Variants in KLHDC2 observed in about 807,000 individuals in gnomAD.
The protein encoded by KLHDC2 is kelch domain-containing protein 2.
In KLHDC2, 38 loss-of-function variants were observed where a neutral mutation model predicts 62.3. That is an observed-to-expected ratio of 0.61 (90% confidence interval 0.47 to 0.80). The LOEUF (loss-of-function observed/expected upper bound fraction) is 0.80, where lower values mean the gene tolerates loss of function less well. KLHDC2 is among the 30% of genes least tolerant of loss of function. KLHDC2 has a pLI of 0.00. For synonymous variants in KLHDC2, 159 were observed against 161.0 expected (o/e 0.99, Z 0.09); for missense variants, 430 against 495.3 (o/e 0.87, Z 1.25).
At chr14:49,773,914 T>G (rs959175424) in intron 2 of KLHDC2, among the ~76,000 whole-genome samples, 1 of 152,146 alleles carries the variant, frequency 6.6e-6, no homozygotes, top group Admixed American at 6.5e-5. Context: ...CTTCTAAAAC[T>G]TTTAAGTTTA....
intron 2 of KLHDC2, among the ~76,000 whole-genome samples, chr14:49,774,187 G>A (rs1305722501): frequency 1.3e-5 from 2 of 152,218 alleles, no homozygotes; most frequent in Admixed American, 1.3e-4. Context: ...CACTGGGAAT[G>A]TTGAGGTTTT....
intron 9 of KLHDC2, 125 bp from the exon 10 acceptor site, chr14:49,780,578 A>C: frequency 1.3e-6 from 1 of 743,216 alleles, no homozygotes; most frequent in Non-Finnish European, 2.3e-6. Context: ...CAGGGGGGGG[A>C]AAAAAAAGAA....
chr14:49,775,321 A>T (rs575094478), intron 3 of KLHDC2, among the ~76,000 whole-genome samples: 2 of 152,336 alleles, frequency 1.3e-5, no homozygotes, highest in South Asian at 4.1e-4. Flanking sequence ...TGTGCTGAGC[A>T]CTTGGCTGGA....
Position 49,784,824 on chromosome 14 carries a change from C to T in KLHDC2, c.*1871C>T. 1 of 1,400,496 alleles carries T rather than the reference C, an allele frequency of 7.1e-7. No homozygotes were observed. The highest frequency in any genetic ancestry group is 1.0e-6 in the Non-Finnish European group (1 of 997,264). 86.8% of individuals were successfully genotyped at this position (1,400,496 alleles called of 1,614,324 possible). On this transcript the variant is annotated 3_prime_UTR_variant, in exon 13 of 13. Coordinates refer to ENST00000298307, the MANE Select transcript of KLHDC2 (RefSeq NM_014315.3). The stretch of plus-strand genomic sequence containing the variant: ...ACTTTTAGCTGAGATGGTTTTACTG[C>T]TTCTAATAAGACAGCATTTTCTACT...
In KLHDC2 at chr14:49,785,029, A is replaced by G. The variant is rs751431337; in HGVS notation, c.*2076A>G. On this transcript the variant is annotated 3_prime_UTR_variant, in exon 13 of 13. Coordinates refer to ENST00000298307, the MANE Select transcript of KLHDC2 (RefSeq NM_014315.3). ...GCTGTAAATACAAAAAAGAGTAAGA[A>G]TAATCTACTGTTAAGTCACTGAACT... The G allele has an allele frequency of 1.1e-5, 17 of 1,608,684 alleles. No homozygotes were observed. The highest frequency in any genetic ancestry group is 3.3e-4 in the Middle Eastern group (2 of 6,048).
chr14:49,783,988 G>GACTT lies in KLHDC2; in HGVS notation c.*1038_*1041dup, dbSNP rs1890039363. ...TATATATTAGATGTTATATACAGTA[G>GACTT]ACTTACCAAGTCAATAGTTTAAGCA... On this transcript the variant is annotated 3_prime_UTR_variant, in exon 13 of 13. Coordinates refer to ENST00000298307, the MANE Select transcript of KLHDC2 (RefSeq NM_014315.3). 6.6e-6 allele frequency: 1 copy of GACTT among 151,950 alleles called. No individual in the cohort carries two copies. The highest frequency in any genetic ancestry group is 2.4e-5 in the African/African-American group (1 of 41,374). The allele number at this position is 151,950 out of a possible 1,614,324, so 9.4% of individuals were successfully genotyped here. A position where few individuals can be genotyped will look rare whatever the true frequency, so the allele number is the denominator to read the frequency against.
intron 12 of KLHDC2, 22 bp from the exon 13 acceptor site, chr14:49,782,808 C>A: frequency 6.2e-7 from 1 of 1,605,230 alleles, no homozygotes; most frequent in Non-Finnish European, 8.5e-7. Context: ...AATTACTTTT[C>A]TCTTTCCTTG....
At chr14:49,770,220 T>C (rs527369302) in intron 1 of KLHDC2, among the ~76,000 whole-genome samples, 1 of 152,188 alleles carries the variant, frequency 6.6e-6, no homozygotes, top group African/African-American at 2.4e-5. Context: ...AATCACTGAA[T>C]TGGATGGTTC....
Position 49,771,620 on chromosome 14 carries a change from CTT to C in KLHDC2, c.183_184del (p.Phe61LeufsTer4), listed in dbSNP as rs758201613. ...KSNQVRGLYD[F>X]YLPREELWIY... ...GTAATCAAGTCAGAGGATTATATGA[CTT>C]TTATCTGCCTAGAGAAGAACTATGG... On this transcript the variant is annotated frameshift_variant, in exon 2 of 13. Transcript: ENST00000298307. LOFTEE classifies it high-confidence loss of function. 4 of 1,515,392 alleles carry C rather than the reference CTT, an allele frequency of 2.6e-6. No homozygotes were observed. The highest frequency in any genetic ancestry group is 3.7e-6 in the Non-Finnish European group (4 of 1,090,448). 93.9% of individuals were successfully genotyped at this position (1,515,392 alleles called of 1,614,324 possible). A position where few individuals can be genotyped will look rare whatever the true frequency, so the allele number is the denominator to read the frequency against.
chr14:49,776,168 TGAAA>T (rs924356299), intron 3 of KLHDC2, among the ~76,000 whole-genome samples: 4 of 152,318 alleles, frequency 2.6e-5, no homozygotes, highest in African/African-American at 9.6e-5. Context: ...GTTCTATGCC[TGAAA>T]GATTCTGTGA....
chr14:49,782,576 A>T lies in KLHDC2; in HGVS notation c.1079A>T (p.Gln360Leu). Residue 360 changes from glutamine (Q) to leucine (L), a missense_variant, in exon 12 of 13, where the codon CAA becomes CTA. By Grantham distance (113) the Gln-to-Leu change is moderately radical. Transcript: ENST00000298307. ...AATGAAATACTAATATTTTCAGTTC[A>T]ACCAAAATCTCTTGTACGGTAAGTA... The part of the protein sequence containing the change: ...HSNEILIFSV[Q>L]PKSLVRLSLE... 1 of 1,606,636 alleles carries T rather than the reference A, an allele frequency of 6.2e-7. No homozygotes were observed. The highest frequency in any genetic ancestry group is 1.1e-5 in the South Asian group (1 of 90,310).
At chr14:49,779,303 T>C (rs1889838414) in intron 6 of KLHDC2, among the ~76,000 whole-genome samples, 1 of 152,248 alleles carries the variant, frequency 6.6e-6, no homozygotes. Flanking sequence ...TAATTATATT[T>C]CTTTTCCCTT....
chr14:49,780,351 A>G, intron 9 of KLHDC2, 29 bp downstream of exon 9: 1 of 1,277,742 alleles, frequency 7.8e-7, no homozygotes, highest in Non-Finnish European at 1.1e-6. Flanking sequence ...TGATAATGAA[A>G]TCATCATATA....
At position 49,785,322 on chromosome 14, in the gene KLHDC2, T is replaced by C. The variant is rs763047885; in HGVS notation, c.*2369T>C. ...TGTCAAAGAATCAAATAGGTTTTCC[T>C]AAAAAGGGAAAATAACAGTTACAAA... On this transcript the variant is annotated 3_prime_UTR_variant, in exon 13 of 13. Coordinates refer to ENST00000298307, the MANE Select transcript of KLHDC2 (RefSeq NM_014315.3). 10 of 1,610,058 alleles carry C rather than the reference T, an allele frequency of 6.2e-6. No homozygotes were observed. In the East Asian group the frequency reaches 2.2e-4, roughly 36 times the overall value.
chr14:49,782,447 A>C lies in KLHDC2; in HGVS notation c.1034A>C (p.His345Pro). The change falls in exon 11 of 13, where the codon CAT becomes CCT. Residue 345 changes from histidine (H) to proline (P), a missense_variant. By Grantham distance (77) the His-to-Pro change is moderately conservative. Transcript: ENST00000298307. ...FGGCANNLLV[H>P]HRAAHSNEIL... ...GGATGTGCCAACAACTTGCTTGTCC[A>C]TCACAGAGCTGTAAGTATACTACCT... The C allele has an allele frequency of 6.2e-7, 1 of 1,611,604 alleles. No homozygotes were observed.
At chr14:49,781,447 C>T (rs1324487352) in intron 10 of KLHDC2, among the ~76,000 whole-genome samples, 2 of 149,800 alleles carry the variant, frequency 1.3e-5, no homozygotes, top group Non-Finnish European at 3.0e-5. Flanking sequence ...AGGCGAGGTA[C>T]AGTGGGATTA....
chr14:49,768,396 C>T lies in KLHDC2; in HGVS notation c.-73C>T, dbSNP rs904937032. Reference sequence around the variant, plus strand: ...CCTTGCCTCGCGCCGCTGTGCATTTCTCTCCTTTTCCTTTGTTTTTTTGGC... The same window carrying T: ...CCTTGCCTCGCGCCGCTGTGCATTTTTCTCCTTTTCCTTTGTTTTTTTGGC... On this transcript the variant is annotated 5_prime_UTR_variant, in exon 1 of 13. Coordinates refer to ENST00000298307, the MANE Select transcript of KLHDC2 (RefSeq NM_014315.3). 2.3e-5 allele frequency: 35 copies of T among 1,516,882 alleles called. No individual in the cohort carries two copies. The highest frequency in any genetic ancestry group is 3.0e-5 in the Non-Finnish European group (34 of 1,119,630). 94.0% of individuals were successfully genotyped at this position (1,516,882 alleles called of 1,614,324 possible).
intron 2 of KLHDC2, 92 bp downstream of exon 2, chr14:49,771,765 G>C (rs536584177): frequency 1.2e-5 from 8 of 685,494 alleles, no homozygotes; most frequent in South Asian, 9.8e-5. Flanking sequence ...CACTTTGGGA[G>C]GCCAACGCGG....
intron 9 of KLHDC2, 175 bp from the exon 10 acceptor site, chr14:49,780,528 T>C (rs1889871915): frequency 1.5e-6 from 1 of 645,506 alleles, no homozygotes; most frequent in Non-Finnish European, 2.8e-6. Flanking sequence ...AGAGCCCTGC[T>C]GAAGGGCTAC....
Sources: gnomAD v4.1 joint callset for allele counts (sites outside exome capture counted in the v4.1 genomes callset) on GRCh38, gnomAD v4.1.1 for gene constraint, MANE v1.5 for transcripts, NCBI Gene and HGNC (gene_info 2026-07-23, HGNC 2026-07-21) for gene names.